CNTNAP5: variants seen among roughly 807,000 people sequenced by gnomAD.
CNTNAP5 encodes contactin-associated protein-like 5.
CNTNAP5 carries 72 observed loss-of-function variants against 150.2 expected under a neutral mutation model. That is an observed-to-expected ratio of 0.48 (90% confidence interval 0.40 to 0.58). The LOEUF is 0.58. CNTNAP5 is among the 20% of genes least tolerant of loss of function. The pLI is 0.00. For missense variants in CNTNAP5, 1,636 were observed against 1,626.2 expected, an observed-to-expected ratio of 1.01 and a Z score of -0.10; for synonymous variants, 672 against 619.8, an observed-to-expected ratio of 1.08 and a Z score of -1.25.
At chr2:124,153,603 CTTTT>C (rs948493792) in intron 1 of CNTNAP5, among the ~76,000 whole-genome samples, 2 of 85,094 alleles carry the variant, frequency 2.4e-5, no homozygotes. Context: ...CCCCCCGGGA[CTTTT>C]TTTTTTTTTT....
chr2:124,555,571 A>G (rs954295394), intron 10 of CNTNAP5, among the ~76,000 whole-genome samples: 2 of 152,222 alleles, frequency 1.3e-5, no homozygotes, highest in African/African-American at 4.8e-5. Flanking sequence ...AAGTTTTGCA[A>G]TAAAAAGTTT....
At chr2:124,824,323 A>G (rs1476885912) in intron 19 of CNTNAP5, among the ~76,000 whole-genome samples, 2 of 152,176 alleles carry the variant, frequency 1.3e-5, no homozygotes, top group Non-Finnish European at 2.9e-5. Flanking sequence ...TCATACTAAC[A>G]TGTCAGAACC....
intron 19 of CNTNAP5, among the ~76,000 whole-genome samples, chr2:124,804,277 G>C (rs1029385623): frequency 6.6e-6 from 1 of 152,194 alleles, no homozygotes. Context: ...GCAGGACAGA[G>C]GGCACTTCCA....
intron 12 of CNTNAP5, among the ~76,000 whole-genome samples, chr2:124,633,964 G>A (rs1272132726): frequency 1.3e-5 from 2 of 152,140 alleles, no homozygotes; most frequent in African/African-American, 4.8e-5. Context: ...GCTACACAGG[G>A]CAGTGGGGCC....
intron 12 of CNTNAP5, among the ~76,000 whole-genome samples, chr2:124,640,146 A>G (rs1487232655): frequency 6.6e-6 from 1 of 152,116 alleles, no homozygotes; most frequent in Non-Finnish European, 1.5e-5. Context: ...GTGAACAACA[A>G]ATAAACAAAT....
intron 1 of CNTNAP5, among the ~76,000 whole-genome samples, chr2:124,129,377 T>C (rs2104600027): frequency 6.6e-6 from 1 of 152,312 alleles, no homozygotes; most frequent in East Asian, 1.9e-4. Flanking sequence ...TAAGCATATC[T>C]TTGCCCCACA....
At chr2:124,465,880 A>G (rs779450832) in intron 6 of CNTNAP5, among the ~76,000 whole-genome samples, 1 of 152,158 alleles carries the variant, frequency 6.6e-6, no homozygotes, top group Non-Finnish European at 1.5e-5. Context: ...GATCAAGGTA[A>G]TGGATCTAGG....
chr2:124,165,757 C>G (rs889500401), intron 1 of CNTNAP5, among the ~76,000 whole-genome samples: 4 of 152,132 alleles, frequency 2.6e-5, no homozygotes, highest in African/African-American at 9.7e-5. Flanking sequence ...AGACATTAGA[C>G]AGAATCTGGA....
rs55795835 is a variant in CNTNAP5 at position 124,773,909 on chromosome 2, CGTGTGTGT to C, written c.2752+924_2752+931del. 2.8e-3 allele frequency among the ~76,000 whole-genome samples: 365 copies of C among 132,054 alleles called. 1 individual carries two copies. The highest frequency in any genetic ancestry group is 7.9e-3 in the Middle Eastern group (2 of 252). 86.6% of individuals were successfully genotyped at this position (132,054 alleles called of 152,430 possible). On this transcript the variant is annotated intron_variant, in intron 17 of 23. Coordinates refer to ENST00000682447, the MANE Select transcript of CNTNAP5 (RefSeq NM_001367498.1). ...ACATTTTGTTAAACATAAGGGAGTG[CGTGTGTGT>C]GTGTGTGTGTGTGTGTGTGTGTGTG...
intron 1 of CNTNAP5, among the ~76,000 whole-genome samples, chr2:124,057,100 A>C (rs1328404158): frequency 6.6e-6 from 1 of 152,120 alleles, no homozygotes; most frequent in Non-Finnish European, 1.5e-5. Flanking sequence ...ACCAACCGAC[A>C]TCACAATTGG....
Position 124,527,412 on chromosome 2 carries a change from G to A in CNTNAP5, c.1605G>A (p.Gly535=), listed in dbSNP as rs1170295562. Residue 535 remains glycine, a synonymous_variant, in exon 10 of 24, where the codon GGG becomes GGA. Transcript: ENST00000682447. ...TTTCAGTTCAGCAAGGTTCCCTGGG[G>A]AATTTTAGTGATTTACACATTGATC... ...DLISVQQGSL[G]NFSDLHIDLC... 1 of 1,613,556 alleles carries A rather than the reference G, an allele frequency of 6.2e-7. No individual in the cohort carries two copies. The highest frequency in any genetic ancestry group is 2.2e-5 in the East Asian group (1 of 44,878).
chr2:124,453,255 T>C (rs559641925), intron 6 of CNTNAP5, among the ~76,000 whole-genome samples: 6 of 151,842 alleles, frequency 4.0e-5, no homozygotes, highest in Non-Finnish European at 7.4e-5. Context: ...TTCTCAGCAA[T>C]AGAATCAAAC....
At chr2:124,179,771 T>C (rs1165370147) in intron 1 of CNTNAP5, among the ~76,000 whole-genome samples, 1 of 152,196 alleles carries the variant, frequency 6.6e-6, no homozygotes, top group Admixed American at 6.5e-5. Context: ...CCTAACCCTG[T>C]AGCTTTAACA....
chr2:124,746,843 G>A (rs969560227), intron 13 of CNTNAP5, among the ~76,000 whole-genome samples: 1 of 152,084 alleles, frequency 6.6e-6, no homozygotes, highest in Admixed American at 6.5e-5. Context: ...GCCTGATCTG[G>A]TAAGAATTCA....
chr2:124,027,503 CCTTTT>C (rs1359569839), intron 1 of CNTNAP5, among the ~76,000 whole-genome samples: 2 of 152,196 alleles, frequency 1.3e-5, no homozygotes, highest in East Asian at 1.9e-4. Flanking sequence ...TAATGCAACA[CCTTTT>C]CTTAAGAGCC....
At chr2:124,523,304 C>T (rs1000222052) in intron 8 of CNTNAP5, among the ~76,000 whole-genome samples, 2 of 152,196 alleles carry the variant, frequency 1.3e-5, no homozygotes, top group Admixed American at 1.3e-4. Context: ...GGAAAGACAA[C>T]TCAACATGTA....
intron 1 of CNTNAP5, among the ~76,000 whole-genome samples, chr2:124,046,433 G>GGAA (rs544016234): frequency 7.4e-6 from 1 of 134,610 alleles, no homozygotes; most frequent in Non-Finnish European, 1.5e-5. Context: ...ACAAAAGAGA[G>GGAA]AAAAAAAAAA....
intron 13 of CNTNAP5, among the ~76,000 whole-genome samples, chr2:124,710,613 A>C (rs1282181045): frequency 6.6e-6 from 1 of 152,068 alleles, no homozygotes; most frequent in East Asian, 1.9e-4. Flanking sequence ...AGATATGGCA[A>C]TTTGCTTCCA....
chr2:124,408,640 A>C (rs564936092), intron 3 of CNTNAP5, among the ~76,000 whole-genome samples: 111 of 150,462 alleles, frequency 7.4e-4, no homozygotes, highest in Middle Eastern at 3.4e-3. Context: ...ACACCTCACA[A>C]GGCAGGGTAT....
Sources: allele counts gnomAD v4.1 joint callset (sites outside exome capture counted in the v4.1 genomes callset), GRCh38; gene constraint gnomAD v4.1.1; transcripts MANE v1.5; gene names NCBI Gene and HGNC (gene_info 2026-07-23, HGNC 2026-07-21).